ANKRD28: variants seen among roughly 807,000 people sequenced by gnomAD.
ANKRD28 encodes the protein serine/threonine-protein phosphatase 6 regulatory ankyrin repeat subunit A.
A neutral mutation model predicts 126.5 loss-of-function variants in ANKRD28; 44 were observed. The observed-to-expected ratio is 0.35, with a 90% confidence interval of 0.27 to 0.45. The LOEUF is 0.45. Ranked by LOEUF, ANKRD28 falls within the 20% of genes least tolerant of loss-of-function variation. The probability of loss-of-function intolerance (pLI) is 1.00; values close to 1 mark genes in which losing one functional copy is unlikely to be tolerated. For synonymous variants in ANKRD28, 442 were observed against 468.5 expected (o/e 0.94, Z 0.73); for missense variants, 1,110 against 1,316.6 (o/e 0.84, Z 2.43).
chr3:15,782,830 C>T (rs774295761), intron 2 of ANKRD28, among the ~76,000 whole-genome samples: 6 of 152,060 alleles, frequency 3.9e-5, no homozygotes, highest in Admixed American at 3.9e-4. Context: ...CCATAAAAGA[C>T]AAACTTTCTC....
chr3:15,691,783 C>T (rs2068834346), intron 17 of ANKRD28, among the ~76,000 whole-genome samples: 1 of 152,050 alleles, frequency 6.6e-6, no homozygotes, highest in South Asian at 2.1e-4. Flanking sequence ...AATTATGCTA[C>T]TGAAAGAATG....
intron 1 of ANKRD28, among the ~76,000 whole-genome samples, chr3:15,810,629 TTC>T (rs1390501437): frequency 4.6e-5 from 7 of 152,006 alleles, no homozygotes; most frequent in African/African-American, 1.7e-4. Flanking sequence ...AAGACTTTTT[TTC>T]TTTTTCATTT....
chr3:15,743,580 A>ACG (rs1553616154), intron 4 of ANKRD28, among the ~76,000 whole-genome samples: 10 of 150,452 alleles, frequency 6.6e-5, no homozygotes, highest in African/African-American at 2.2e-4. Context: ...ACACACACAC[A>ACG]CACACACACA....
intron 2 of ANKRD28, among the ~76,000 whole-genome samples, chr3:15,794,237 T>C (rs564710650): frequency 5.9e-5 from 9 of 152,166 alleles, no homozygotes; most frequent in Admixed American, 1.3e-4. Context: ...TAGCCAATGA[T>C]TCAAATCTAT....
rs1369923713 is a variant in ANKRD28 at position 15,812,291 on chromosome 3, C to CTA, written c.28-16987_28-16986dup. The stretch of plus-strand genomic sequence containing the variant: ...CTACTTGGGAGGCTGAGATGGGAAA[C>CTA]TATACCATTATCTTAATTTCATTTG... On this transcript the variant is annotated intron_variant, in intron 1 of 27. Transcript: ENST00000399451. This position sits in a 1 kb window ranked among gnomAD's most constrained non-coding sequence, Gnocchi z 4.1. 6.7e-6 allele frequency among the ~76,000 whole-genome samples: 1 copy of CTA among 149,382 alleles called. No individual in the cohort carries two copies. The highest frequency in any genetic ancestry group is 1.5e-5 in the Non-Finnish European group (1 of 67,320).
chr3:15,729,317 C>T (rs929780353), intron 6 of ANKRD28, among the ~76,000 whole-genome samples: 2 of 152,122 alleles, frequency 1.3e-5, no homozygotes, highest in Admixed American at 6.5e-5. Flanking sequence ...TTATGTGGAA[C>T]GTTCTGCTTG....
At chr3:15,775,859 G>A (rs2059240087) in intron 2 of ANKRD28, among the ~76,000 whole-genome samples, 1 of 152,156 alleles carries the variant, frequency 6.6e-6, no homozygotes, top group Admixed American at 6.5e-5. Flanking sequence ...AAGCATGACT[G>A]ATTAAATAAC....
In ANKRD28 at chr3:15,694,741, C is replaced by A; in HGVS notation, c.1759G>T (p.Ala587Ser). The part of the protein sequence containing the change: ...NRATISPLHL[A>S]AYHGHHQALE... ...TCGGCTATGAAGGCAGTACTCACAG[C>A]CAAGTGTAAAGGGCTTATTGTTGCT... The change falls in exon 17 of 28, where the codon GCT (alanine) becomes TCT (serine). Residue 587 changes from alanine (A) to serine (S), a missense_variant and splice_region_variant. Coordinates refer to ENST00000683139, the MANE Select transcript of ANKRD28 (RefSeq NM_001349278.2). 2.5e-6 allele frequency: 4 copies of A among 1,613,248 alleles called. No individual in the cohort carries two copies. Among genetic ancestry groups the A allele is most frequent in the Non-Finnish European group, 3.4e-6 (4 of 1,179,358 alleles).
In ANKRD28 at chr3:15,814,438, G is replaced by T; in HGVS notation, c.28-19132C>A. 6.2e-6 allele frequency: 2 copies of T among 324,410 alleles called. No individual in the cohort carries two copies. Among genetic ancestry groups the T allele is most frequent in the Non-Finnish European group, 9.7e-6 (2 of 205,512 alleles). The allele number at this position is 324,410 out of a possible 1,614,324, so 20.1% of individuals were successfully genotyped here. On this transcript the variant is annotated intron_variant, in intron 1 of 27. Coordinates refer to the ANKRD28 transcript ENST00000399451. The surrounding 1 kb of genome is among the most constrained non-coding windows in gnomAD (Gnocchi z 4.7). ...TGGATAATATTCAAAAACTTACTTT[G>T]GATTTTATTAATTCAGAATTTACTT...
At chr3:15,715,337 T>C (rs1433821108) in intron 8 of ANKRD28, among the ~76,000 whole-genome samples, 1 of 152,186 alleles carries the variant, frequency 6.6e-6, no homozygotes, top group East Asian at 1.9e-4. Context: ...CACAGCAACA[T>C]TCAGCATGCC....
At position 15,816,599 on chromosome 3, in the gene ANKRD28, G is replaced by A. The variant is rs935290674; in HGVS notation, c.28-21293C>T. Among the ~76,000 whole-genome samples the A allele has an allele frequency of 7.9e-5, 12 of 152,120 alleles. No individual in the cohort carries two copies. Among genetic ancestry groups the A allele is most frequent in the African/African-American group, 2.9e-4 (12 of 41,416 alleles). On this transcript the variant is annotated intron_variant, in intron 1 of 27. Transcript: ENST00000399451. The surrounding 1 kb of genome is among the most constrained non-coding windows in gnomAD (Gnocchi z 5.0). ...CTGTTCTATAAAGTTGCTTCAAAAG[G>A]AAAAGTGTTTGGTGCCCTTTATTTT...
intron 2 of ANKRD28, among the ~76,000 whole-genome samples, chr3:15,789,430 CT>C (rs895665976): frequency 6.6e-6 from 1 of 150,646 alleles, no homozygotes; most frequent in African/African-American, 2.5e-5. Flanking sequence ...AGGTTTTCTC[CT>C]TTTTTTAAAA....
intron 14 of ANKRD28, among the ~76,000 whole-genome samples, chr3:15,703,502 A>C (rs981784716): frequency 1.3e-5 from 2 of 152,210 alleles, no homozygotes; most frequent in African/African-American, 4.8e-5. Flanking sequence ...AAGAGCTCTC[A>C]TTCCTTCTAC....
chr3:15,842,984 T>G (rs2061455291), intron 1 of ANKRD28, among the ~76,000 whole-genome samples: 1 of 152,226 alleles, frequency 6.6e-6, no homozygotes, highest in South Asian at 2.1e-4. Context: ...GTGTTGCTTA[T>G]CTGGTATATT....
intron 1 of ANKRD28, among the ~76,000 whole-genome samples, chr3:15,803,637 A>G (rs937087309): frequency 6.6e-6 from 1 of 151,124 alleles, no homozygotes; most frequent in Admixed American, 6.6e-5. Flanking sequence ...AAAAAGAAAT[A>G]TATTTTAGAA....
At chr3:15,713,449 T>G in intron 10 of ANKRD28, 78 bp downstream of exon 10, 2 of 1,085,880 alleles carry the variant, frequency 1.8e-6, no homozygotes, top group Non-Finnish European at 2.7e-6. Context: ...CATTTCCACG[T>G]GAAATGTCTA....
At chr3:15,717,416 G>A (rs2073195189) in intron 8 of ANKRD28, among the ~76,000 whole-genome samples, 2 of 151,984 alleles carry the variant, frequency 1.3e-5, no homozygotes, top group Admixed American at 6.6e-5. Context: ...CATAAGACAC[G>A]TTAGCGGGGA....
chr3:15,749,108 T>G (rs1191468771), intron 4 of ANKRD28, among the ~76,000 whole-genome samples: 1 of 132,926 alleles, frequency 7.5e-6, no homozygotes, highest in African/African-American at 3.0e-5. Context: ...TTTGTTTTTT[T>G]TTTTTTTTTT....
Position 15,721,118 on chromosome 3 carries a change from G to A in ANKRD28, c.793C>T (p.Pro265Ser), listed in dbSNP as rs565056573. The A allele has an allele frequency of 7.6e-5, 122 of 1,609,778 alleles. 1 individual carries two copies. In the South Asian group the frequency reaches 1.2e-3, roughly 16 times the overall value. The change falls in exon 8 of 28, where the codon CCA becomes TCA. Residue 265 changes from proline (P) to serine (S), a missense_variant. By Grantham distance (74) the Pro-to-Ser change is moderately conservative. Transcript: ENST00000683139. ...LLDLGVDMNE[P>S]NAYGNTPLHV... ...AGAGGTGTATTTCCATAGGCATTTG[G>A]TTCATTCATCTATTAGAAGGGAAAA...
Sources: allele counts gnomAD v4.1 joint callset (sites outside exome capture counted in the v4.1 genomes callset), GRCh38; gene constraint gnomAD v4.1.1; non-coding constraint Gnocchi (gnomAD v3.1); transcripts MANE v1.5; gene names NCBI Gene and HGNC (gene_info 2026-07-23, HGNC 2026-07-21).